The following ELOVL5 variants were observed in gnomAD, a reference collection of about 807,000 sequenced individuals.
ELOVL5 encodes the protein very long chain fatty acid elongase 5.
Under a neutral mutation model 38.6 loss-of-function variants are expected in ELOVL5, and 8 were observed. The observed-to-expected ratio is 0.21, with a 90% CI of 0.12 to 0.37. ELOVL5 has a LOEUF of 0.37. ELOVL5 is among the 10% of genes least tolerant of loss of function. The probability of loss-of-function intolerance (pLI) is 1.00; values close to 1 mark genes in which losing one functional copy is unlikely to be tolerated. For synonymous variants in ELOVL5, 127 were observed against 133.7 expected, an observed-to-expected ratio of 0.95 and a Z score of 0.34; for missense variants, 280 against 367.8, an observed-to-expected ratio of 0.76 and a Z score of 1.95.
At chr6:53,294,223 G>C (rs1766890519) in intron 2 of ELOVL5, 1 of 1,496,630 alleles carries the variant, frequency 6.7e-7, no homozygotes, top group Non-Finnish European at 9.0e-7. Context: ...CCAGCCCCAG[G>C]TAGAGAATCC....
At chr6:53,334,062 C>T (rs1343209832) in intron 1 of ELOVL5, among the ~76,000 whole-genome samples, 2 of 152,208 alleles carry the variant, frequency 1.3e-5, no homozygotes, top group Non-Finnish European at 2.9e-5. Context: ...ACTTTAATCA[C>T]TGCAACCAAG....
At chr6:53,292,528 T>C (rs1581940076) in intron 2 of ELOVL5, among the ~76,000 whole-genome samples, 1 of 152,264 alleles carries the variant, frequency 6.6e-6, no homozygotes, top group South Asian at 2.1e-4. Flanking sequence ...TGGTGGCTCA[T>C]GCCTGTAATC....
intron 1 of ELOVL5, among the ~76,000 whole-genome samples, chr6:53,313,263 A>G (rs1273816757): frequency 1.3e-5 from 2 of 152,254 alleles, no homozygotes; most frequent in African/African-American, 4.8e-5. Flanking sequence ...TAATTGGGAT[A>G]AAAGTTTATA....
intron 1 of ELOVL5, among the ~76,000 whole-genome samples, chr6:53,336,311 T>C (rs1304269571): frequency 6.6e-6 from 1 of 152,096 alleles, no homozygotes; most frequent in Non-Finnish European, 1.5e-5. Flanking sequence ...CTGTCCGACA[T>C]GTATGGTGTA....
rs189091370 is a variant in ELOVL5 at position 53,310,386 on chromosome 6, C to T, written c.-8-14679G>A. Among the ~76,000 whole-genome samples the T allele has an allele frequency of 5.3e-5, 8 of 152,056 alleles. No individual in the cohort carries two copies. In the East Asian group the frequency reaches 7.7e-4, roughly 15 times the overall value. ...GTTCAGAGATCTTAAGTAGTTAACT[C>T]TAGGTTTATATGGCTTAGGGTAGGC... On this transcript the variant is annotated intron_variant, in intron 1 of 7. Coordinates refer to ENST00000304434, the MANE Select transcript of ELOVL5 (RefSeq NM_021814.5).
intron 1 of ELOVL5, among the ~76,000 whole-genome samples, chr6:53,337,941 T>C (rs772728450): frequency 6.6e-6 from 1 of 152,224 alleles, no homozygotes; most frequent in Non-Finnish European, 1.5e-5. Context: ...AACACAAGCA[T>C]TGCTTCCAGC....
intron 1 of ELOVL5, among the ~76,000 whole-genome samples, chr6:53,325,524 C>T (rs1270366890): frequency 6.6e-6 from 1 of 152,164 alleles, no homozygotes; most frequent in Non-Finnish European, 1.5e-5. Flanking sequence ...ATGACCGAAG[C>T]AACTAGACTC....
Position 53,306,844 on chromosome 6 carries a change from C to T in ELOVL5, c.-8-11137G>A, listed in dbSNP as rs9395853. On this transcript the variant is annotated intron_variant, in intron 1 of 7. Transcript: ENST00000304434. ...CACACTGTTATTTGGAAAAAGACAACGATAATTCACACACAGAATGCTCCT... is the reference window on the plus strand; with the variant it reads ...CACACTGTTATTTGGAAAAAGACAATGATAATTCACACACAGAATGCTCCT... Among the ~76,000 whole-genome samples, 7 of 152,316 alleles carry T rather than the reference C, an allele frequency of 4.6e-5. No individual in the cohort carries two copies. The East Asian group carries it at 7.7e-4, about 17-fold the overall frequency.
intron 1 of ELOVL5, among the ~76,000 whole-genome samples, chr6:53,317,429 T>C (rs1376799204): frequency 6.6e-6 from 1 of 152,044 alleles, no homozygotes; most frequent in Non-Finnish European, 1.5e-5. Flanking sequence ...ATTAAGAAAA[T>C]GTGGCACATA....
chr6:53,291,036 C>T (rs1766753954), intron 3 of ELOVL5, among the ~76,000 whole-genome samples: 1 of 152,162 alleles, frequency 6.6e-6, no homozygotes. Context: ...AAAATGTACA[C>T]AAACTGCTTA....
At chr6:53,306,554 A>C (rs1384270029) in intron 1 of ELOVL5, among the ~76,000 whole-genome samples, 1 of 152,172 alleles carries the variant, frequency 6.6e-6, no homozygotes, top group African/African-American at 2.4e-5. Flanking sequence ...CGGGAGGGTA[A>C]CATGATTTTA....
intron 3 of ELOVL5, among the ~76,000 whole-genome samples, chr6:53,284,005 TAAA>T (rs569206590): frequency 1.5e-4 from 21 of 140,884 alleles, no homozygotes; most frequent in African/African-American, 5.2e-4. Context: ...TTTAGGACCT[TAAA>T]AAAAAAAAAA....
At chr6:53,316,434 A>G (rs1485807413) in intron 1 of ELOVL5, among the ~76,000 whole-genome samples, 2 of 152,104 alleles carry the variant, frequency 1.3e-5, no homozygotes, top group Non-Finnish European at 1.5e-5. Flanking sequence ...AAGGCTTGCT[A>G]GTGGGGATCA....
Position 53,334,096 on chromosome 6 carries a change from T to C in ELOVL5, c.-9+14721A>G, listed in dbSNP as rs115268972. Among the ~76,000 whole-genome samples, 659 of 152,278 alleles carry C rather than the reference T, an allele frequency of 4.3e-3. 7 individuals are homozygous for C. Among genetic ancestry groups the C allele is most frequent in the African/African-American group, 0.015 (636 of 41,552 alleles). On this transcript the variant is annotated intron_variant, in intron 1 of 7. Transcript: ENST00000304434. ...AGTTAATTGTGAAGGACAAAAAACT[T>C]CTGAAACCAAAAACTTTTAGGATGT... is the stretch of plus-strand genomic sequence containing the variant.
At chr6:53,328,060 C>G (rs1768628951) in intron 1 of ELOVL5, among the ~76,000 whole-genome samples, 1 of 152,098 alleles carries the variant, frequency 6.6e-6, no homozygotes, top group Non-Finnish European at 1.5e-5. Flanking sequence ...AGTAAAAAAC[C>G]TACCGGCTAC....
At chr6:53,331,081 A>G (rs1475216614) in intron 1 of ELOVL5, among the ~76,000 whole-genome samples, 1 of 152,194 alleles carries the variant, frequency 6.6e-6, no homozygotes, top group Admixed American at 6.5e-5. Flanking sequence ...TGTAATACCA[A>G]CATTTTGGGA....
At chr6:53,274,771 G>A (rs776048395) in intron 5 of ELOVL5, among the ~76,000 whole-genome samples, 16 of 152,236 alleles carry the variant, frequency 1.1e-4, no homozygotes, top group Admixed American at 3.9e-4. Flanking sequence ...TCACCTGCCC[G>A]TCTCAAACCT....
At chr6:53,337,569 G>A (rs1350356902) in intron 1 of ELOVL5, among the ~76,000 whole-genome samples, 1 of 152,182 alleles carries the variant, frequency 6.6e-6, no homozygotes, top group Non-Finnish European at 1.5e-5. Flanking sequence ...GGCATACTCA[G>A]CTTCACACAG....
At chr6:53,292,295 C>T (rs974460514) in intron 2 of ELOVL5, among the ~76,000 whole-genome samples, 14 of 152,200 alleles carry the variant, frequency 9.2e-5, no homozygotes, top group African/African-American at 3.1e-4. Context: ...CCAGATTACA[C>T]ATAGGGTGAT....
Sources: allele counts gnomAD v4.1 joint callset (sites outside exome capture counted in the v4.1 genomes callset), GRCh38; gene constraint gnomAD v4.1.1; transcripts MANE v1.5; gene names NCBI Gene and HGNC (gene_info 2026-07-23, HGNC 2026-07-21).